LSAMP: variants seen among roughly 807,000 people sequenced by gnomAD.
LSAMP encodes the protein limbic system-associated membrane protein.
In LSAMP, 7 loss-of-function variants were observed where a neutral mutation model predicts 38.6. The observed-to-expected ratio is 0.18, with a 90% CI of 0.10 to 0.34. LSAMP has a LOEUF of 0.34. Ranked by LOEUF, LSAMP falls within the 10% of genes least tolerant of loss-of-function variation. The pLI is 1.00. For missense variants in LSAMP, 313 were observed against 420.0 expected, an observed-to-expected ratio of 0.75 and a Z score of 2.23; for synonymous variants, 154 against 166.8, an observed-to-expected ratio of 0.92 and a Z score of 0.59.
intron 1 of LSAMP, among the ~76,000 whole-genome samples, chr3:116,260,902 A>G (rs527337808): frequency 5.4e-4 from 82 of 152,312 alleles, no homozygotes; most frequent in Non-Finnish European, 1.1e-3. Context: ...TTGATGAGGT[A>G]GAGGTGCAGG....
chr3:116,232,956 C>G (rs1469477032), intron 1 of LSAMP, among the ~76,000 whole-genome samples: 1 of 151,792 alleles, frequency 6.6e-6, no homozygotes, highest in African/African-American at 2.4e-5. Flanking sequence ...TTATTTAATA[C>G]CCCCCAACCC....
At chr3:115,968,629 T>C (rs1435362984) in intron 3 of LSAMP, among the ~76,000 whole-genome samples, 1 of 152,130 alleles carries the variant, frequency 6.6e-6, no homozygotes, top group Non-Finnish European at 1.5e-5. Context: ...AAGGAGTCTC[T>C]CCCAGAGCTG....
chr3:116,354,845 A>ATGTGTGTG (rs56975134), intron 1 of LSAMP, among the ~76,000 whole-genome samples: 2,893 of 146,400 alleles, frequency 0.02, 41 homozygotes, highest in African/African-American at 0.034. Context: ...GGGTGTATAT[A>ATGTGTGTG]TGTGTGTGTG....
chr3:116,144,324 A>G (rs1208421939), intron 1 of LSAMP, among the ~76,000 whole-genome samples: 1 of 151,870 alleles, frequency 6.6e-6, no homozygotes, highest in East Asian at 1.9e-4. Flanking sequence ...ATTGCTTGTG[A>G]CCAGCCTGGG....
intron 6 of LSAMP, among the ~76,000 whole-genome samples, chr3:115,815,153 GAA>G (rs1933976116): frequency 6.6e-6 from 1 of 152,130 alleles, no homozygotes; most frequent in Admixed American, 6.6e-5. Flanking sequence ...GAGAGAGAGA[GAA>G]AGAGAAAGAT....
intron 1 of LSAMP, among the ~76,000 whole-genome samples, chr3:116,275,471 G>A (rs1576476089): frequency 6.6e-6 from 1 of 152,012 alleles, no homozygotes; most frequent in East Asian, 1.9e-4. Flanking sequence ...GTGTGTGTGG[G>A]CATTGGGGGG....
intron 3 of LSAMP, among the ~76,000 whole-genome samples, chr3:115,998,391 A>G (rs1329546499): frequency 1.3e-5 from 2 of 152,150 alleles, no homozygotes; most frequent in Non-Finnish European, 2.9e-5. Flanking sequence ...GGATTGCTGA[A>G]TAGTCTAGCA....
intron 1 of LSAMP, among the ~76,000 whole-genome samples, chr3:116,359,258 A>T (rs2048268884): frequency 6.6e-6 from 1 of 152,212 alleles, no homozygotes; most frequent in African/African-American, 2.4e-5. Flanking sequence ...TTTTCCCTTG[A>T]GTTAGCAGGT....
At chr3:115,914,127 C>A (rs1465913871) in intron 3 of LSAMP, among the ~76,000 whole-genome samples, 1 of 152,056 alleles carries the variant, frequency 6.6e-6, no homozygotes, top group Non-Finnish European at 1.5e-5. Context: ...AAAAATAGGC[C>A]CTCAAAAAAA....
chr3:116,321,640 T>G (rs1352760655), intron 1 of LSAMP, among the ~76,000 whole-genome samples: 1 of 152,158 alleles, frequency 6.6e-6, no homozygotes, highest in African/African-American at 2.4e-5. Context: ...GGGTTCAAAT[T>G]TAGGTACTTT....
At chr3:115,876,613 A>C (rs1936186284) in intron 3 of LSAMP, among the ~76,000 whole-genome samples, 1 of 152,044 alleles carries the variant, frequency 6.6e-6, no homozygotes, top group African/African-American at 2.4e-5. Flanking sequence ...ATGTGCAGTG[A>C]CTTCACCCAG....
chr3:116,030,078 C>T (rs1203700534), intron 2 of LSAMP, among the ~76,000 whole-genome samples: 1 of 152,144 alleles, frequency 6.6e-6, no homozygotes, highest in Non-Finnish European at 1.5e-5. Flanking sequence ...GGTGAATGTT[C>T]TCTGCTGGTG....
At chr3:116,157,183 T>C (rs1246567278) in intron 1 of LSAMP, among the ~76,000 whole-genome samples, 1 of 152,114 alleles carries the variant, frequency 6.6e-6, no homozygotes, top group African/African-American at 2.4e-5. Context: ...TAGATGATCA[T>C]TCTGTGATTG....
chr3:116,105,993 G>A (rs1426854914), intron 1 of LSAMP, among the ~76,000 whole-genome samples: 1 of 152,038 alleles, frequency 6.6e-6, no homozygotes, highest in Non-Finnish European at 1.5e-5. Context: ...GTGATATTGT[G>A]GGGATGTTAG....
intron 1 of LSAMP, among the ~76,000 whole-genome samples, chr3:116,310,108 A>C (rs2047536362): frequency 6.6e-6 from 1 of 152,202 alleles, no homozygotes; most frequent in African/African-American, 2.4e-5. Flanking sequence ...GGAAGCCACA[A>C]AAGAGAAAGA....
chr3:116,340,915 T>C (rs1576143393), intron 1 of LSAMP, among the ~76,000 whole-genome samples: 1 of 152,010 alleles, frequency 6.6e-6, no homozygotes, highest in East Asian at 1.9e-4. Flanking sequence ...CTCTGGCTCT[T>C]TCAACATAGG....
At chr3:115,923,638 T>C (rs1449285476) in intron 3 of LSAMP, among the ~76,000 whole-genome samples, 2 of 152,228 alleles carry the variant, frequency 1.3e-5, no homozygotes, top group African/African-American at 4.8e-5. Context: ...TAATTACTAT[T>C]ATCACAATCA....
intron 3 of LSAMP, among the ~76,000 whole-genome samples, chr3:115,981,557 C>T (rs1939361496): frequency 6.6e-6 from 1 of 152,132 alleles, no homozygotes; most frequent in Non-Finnish European, 1.5e-5. Context: ...TGCCTTTCAT[C>T]CACTTTCTGA....
intron 6 of LSAMP, among the ~76,000 whole-genome samples, chr3:115,831,167 G>A (rs964966662): frequency 6.6e-6 from 1 of 152,278 alleles, no homozygotes; most frequent in East Asian, 1.9e-4. Flanking sequence ...CTGGTGCCAT[G>A]CCTGAACCTG....
Sources: gnomAD v4.1 joint callset for allele counts (sites outside exome capture counted in the v4.1 genomes callset) on GRCh38, gnomAD v4.1.1 for gene constraint, MANE v1.5 for transcripts, NCBI Gene and HGNC (gene_info 2026-07-23, HGNC 2026-07-21) for gene names.